The following BACH1 variants were observed in gnomAD, a reference collection of about 807,000 sequenced individuals.
The protein encoded by BACH1 is BTB domain and CNC homolog 1, also known as transcription regulator protein BACH1.
A neutral mutation model predicts 52.9 loss-of-function variants in BACH1; 35 were observed. The observed-to-expected ratio is 0.66, with a 90% confidence interval of 0.51 to 0.88. BACH1 has a LOEUF of 0.88. BACH1 is among the 40% of genes least tolerant of loss of function. The pLI, the probability that BACH1 is intolerant of heterozygous loss-of-function variation, is 0.00. For synonymous variants in BACH1, 321 were observed against 319.6 expected, an observed-to-expected ratio of 1.00 and a Z score of -0.05; for missense variants, 808 against 872.6, an observed-to-expected ratio of 0.93 and a Z score of 0.93.
intron 4 of BACH1, among the ~76,000 whole-genome samples, chr21:29,341,375 G>A (rs975380305): frequency 6.6e-6 from 1 of 152,126 alleles, no homozygotes; most frequent in Admixed American, 6.5e-5. Context: ...TAAGAAAAAC[G>A]TTTGACTTTC....
At position 29,342,682 on chromosome 21, in the gene BACH1, A is replaced by G. The variant is rs747413500; in HGVS notation, c.2060A>G (p.Asn687Ser). The change falls in exon 5 of 5, where the codon AAC becomes AGC. Residue 687 changes from asparagine to serine, a missense_variant. Asn to Ser is a conservative substitution (Grantham distance 46). Transcript: ENST00000286800. The stretch of plus-strand genomic sequence containing the variant: ...GTGCTGCCTCCCTGTGCCAGAGGAA[A>G]CAGTGAGCCTGGCTACGCGCGAGGG... Reference protein sequence around the residue: ...PAVLPPCARGNSEPGYARGQE... With the variant: ...PAVLPPCARGSSEPGYARGQE... 1.2e-6 allele frequency: 2 copies of G among 1,614,252 alleles called. No homozygotes were observed. Among genetic ancestry groups the G allele is most frequent in the South Asian group, 2.2e-5 (2 of 91,090 alleles).
intron 2 of BACH1, among the ~76,000 whole-genome samples, chr21:29,324,524 T>A (rs2088886750): frequency 6.6e-6 from 1 of 151,626 alleles, no homozygotes; most frequent in Admixed American, 6.6e-5. Flanking sequence ...TCCTTTTTAT[T>A]GCTGAGTAAT....
chr21:29,307,259 T>C (rs771014129), intron 1 of BACH1, among the ~76,000 whole-genome samples: 45 of 152,250 alleles, frequency 3.0e-4, no homozygotes, highest in Non-Finnish European at 6.0e-4. Context: ...GTTAGCTTAT[T>C]CGTCATTCTT....
chr21:29,327,004 G>T lies in BACH1; in HGVS notation c.1180G>T (p.Ala394Ser). The T allele has an allele frequency of 1.9e-6, 3 of 1,614,084 alleles. No homozygotes were observed. Among genetic ancestry groups the T allele is most frequent in the Non-Finnish European group, 2.5e-6 (3 of 1,180,014 alleles). ...SDRSSVEREVAEHLAKGFWSD... is the reference protein window; with the variant it reads ...SDRSSVEREVSEHLAKGFWSD... ...TAGGAGTAGTGTGGAGCGAGAAGTG[G>T]CAGAACACCTAGCAAAAGGCTTCTG... Residue 394 changes from alanine to serine, a missense_variant, in exon 3 of 5, where the codon GCA (alanine) becomes TCA (serine). Transcript: ENST00000286800.
chr21:29,301,373 T>C (rs1446860646), intron 1 of BACH1, among the ~76,000 whole-genome samples: 1 of 152,244 alleles, frequency 6.6e-6, no homozygotes, highest in Non-Finnish European at 1.5e-5. Flanking sequence ...TGGGGGAACA[T>C]AGCCTGTTAA....
intron 4 of BACH1, among the ~76,000 whole-genome samples, chr21:29,337,010 G>A (rs905472713): frequency 6.6e-6 from 1 of 152,056 alleles, no homozygotes; most frequent in Non-Finnish European, 1.5e-5. Flanking sequence ...CCACTCTTTG[G>A]AATCACAGTG....
chr21:29,315,841 A>G (rs1360327703), intron 1 of BACH1, among the ~76,000 whole-genome samples: 1 of 152,206 alleles, frequency 6.6e-6, no homozygotes, highest in East Asian at 1.9e-4. Context: ...CATTTTGAAC[A>G]TATCTAGGTT....
At chr21:29,358,812 A>AAGAAAGAAAGAGAG (rs370582692) in intron 2 of BACH1, among the ~76,000 whole-genome samples, 17 of 146,568 alleles carry the variant, frequency 1.2e-4, no homozygotes, top group Middle Eastern at 3.5e-3. Flanking sequence ...GAAAGAAAGA[A>AAGAAAGAAAGAGAG]AGAAGAAAGA....
chr21:29,316,906 A>T (rs919753898), intron 1 of BACH1, among the ~76,000 whole-genome samples: 1 of 152,138 alleles, frequency 6.6e-6, no homozygotes, highest in Non-Finnish European at 1.5e-5. Context: ...TTTTCTCTGA[A>T]TGCTTGGCTC....
At chr21:29,351,134 T>C (rs936410179), downstream of BACH1, among the ~76,000 whole-genome samples, 2 of 152,232 alleles carry the variant, frequency 1.3e-5, no homozygotes, top group Admixed American at 6.5e-5. Flanking sequence ...TCTGCACTCT[T>C]AGTTTATACT....
intron 4 of BACH1, among the ~76,000 whole-genome samples, chr21:29,332,265 C>A (rs2088993354): frequency 6.6e-6 from 1 of 152,174 alleles, no homozygotes. Flanking sequence ...GACCTTCTTC[C>A]TAATGTCTCT....
chr21:29,347,279 G>A (rs1001225762), downstream of BACH1, among the ~76,000 whole-genome samples: 6 of 152,122 alleles, frequency 3.9e-5, no homozygotes, highest in South Asian at 4.1e-4. Flanking sequence ...TCCATCCACC[G>A]GTCACCTTGG....
rs1420269275 is a variant in BACH1 at position 29,327,264 on chromosome 21, CGAT to C, written c.1444_1446del (p.Asp482del). Reference sequence around the variant, plus strand: ...GTTCAAGCAATTTGGAAATTGGAAACGATGATTATGTTTCAGAACCCCAGCAAG... The same window carrying C: ...GTTCAAGCAATTTGGAAATTGGAAACGATTATGTTTCAGAACCCCAGCAAG... On this transcript the variant is annotated inframe_deletion, in exon 3 of 5. Transcript: ENST00000286800. 6.2e-7 allele frequency: 1 copy of C among 1,614,036 alleles called. No homozygotes were observed. Among genetic ancestry groups the C allele is most frequent in the East Asian group, 2.2e-5 (1 of 44,894 alleles).
intron 4 of BACH1, among the ~76,000 whole-genome samples, chr21:29,340,789 A>AT (rs2089102088): frequency 6.6e-6 from 1 of 152,104 alleles, no homozygotes. Context: ...TGTTGATTGC[A>AT]TTTAATGGTT....
chr21:29,314,949 C>T (rs2088769381), intron 1 of BACH1, among the ~76,000 whole-genome samples: 1 of 152,112 alleles, frequency 6.6e-6, no homozygotes, highest in African/African-American at 2.4e-5. Flanking sequence ...TCCAGGCTCT[C>T]CTGGCAGGTG....
intron 4 of BACH1, among the ~76,000 whole-genome samples, chr21:29,334,292 G>T (rs1025436258): frequency 5.3e-5 from 8 of 151,840 alleles, no homozygotes; most frequent in Non-Finnish European, 1.2e-4. Context: ...TAGAGACGGG[G>T]TTTCACTGTG....
At chr21:29,358,181 G>A (rs1425974509) in intron 2 of BACH1, among the ~76,000 whole-genome samples, 2 of 152,206 alleles carry the variant, frequency 1.3e-5, no homozygotes, top group South Asian at 2.1e-4. Context: ...GCAATTCAGC[G>A]TAAAAGTGAA....
chr21:29,301,756 A>G (rs1442884525), intron 1 of BACH1, among the ~76,000 whole-genome samples: 2 of 152,090 alleles, frequency 1.3e-5, no homozygotes, highest in African/African-American at 2.4e-5. Flanking sequence ...ATTAGTTTGT[A>G]CTGTTACTCC....
rs2088955887 is a variant in BACH1 at position 29,329,499 on chromosome 21, T to A, written c.1582T>A (p.Phe528Ile). ...REQECEVKLP[F>I]NAQRIISLSR... ...TTTCATATTCTAGGTAAAACTGCCA[T>A]TCAATGCACAACGGATAATTTCACT... The change falls in exon 4 of 5, where the codon TTC becomes ATC. Residue 528 changes from phenylalanine (F) to isoleucine (I), a missense_variant. By Grantham distance (21) the Phe-to-Ile change is conservative. Transcript: ENST00000286800. 1 of 1,564,226 alleles carries A rather than the reference T, an allele frequency of 6.4e-7. No homozygotes were observed. The highest frequency in any genetic ancestry group is 8.6e-7 in the Non-Finnish European group (1 of 1,159,122).
Sources: gnomAD v4.1 joint callset for allele counts (sites outside exome capture counted in the v4.1 genomes callset) on GRCh38, gnomAD v4.1.1 for gene constraint, MANE v1.5 for transcripts, NCBI Gene and HGNC (gene_info 2026-07-23, HGNC 2026-07-21) for gene names.